The following KDELR3 variants were observed in gnomAD, a reference collection of about 807,000 sequenced individuals.
KDELR3 encodes ER lumen protein-retaining receptor 3.
In KDELR3, 26 loss-of-function variants were observed where a neutral mutation model predicts 22.7. The ratio of observed to expected loss-of-function variants is 1.15; its 90% confidence interval spans 0.84 to 1.59. The LOEUF is 1.59. Ranked by LOEUF, KDELR3 falls within the 40% of genes most tolerant of loss-of-function variation. The probability of loss-of-function intolerance (pLI) is 0.00; values close to 1 mark genes in which losing one functional copy is unlikely to be tolerated. For missense variants in KDELR3, 289 were observed against 251.1 expected, an observed-to-expected ratio of 1.15 and a Z score of -1.02; for synonymous variants, 120 against 98.2, an observed-to-expected ratio of 1.22 and a Z score of -1.31.
intron 1 of KDELR3, among the ~76,000 whole-genome samples, chr22:38,469,452 G>A (rs2089510172): frequency 6.6e-6 from 1 of 152,358 alleles, no homozygotes; most frequent in South Asian, 2.1e-4. Context: ...AGAGCAGGGG[G>A]AGGCCTGGCA....
At chr22:38,471,546 G>A (rs2089525130) in intron 1 of KDELR3, among the ~76,000 whole-genome samples, 1 of 152,210 alleles carries the variant, frequency 6.6e-6, no homozygotes, top group Non-Finnish European at 1.5e-5. Context: ...CCTCAGCTCA[G>A]TCCTGCCACT....
rs569019394 is a variant in KDELR3, at chr22:38,475,617, A to G, written c.192+994A>G. 2.6e-5 allele frequency among the ~76,000 whole-genome samples: 4 copies of G among 152,298 alleles called. No individual in the cohort carries two copies. In the South Asian group the frequency reaches 8.3e-4, roughly 32 times the overall value. On this transcript the variant is annotated intron_variant, in intron 2 of 4. Transcript: ENST00000216014. ...GAACCAGCCATGTAAAGATCAAAGG[A>G]CACACCTTCTTTCTGTTTTTTTAAG...
At chr22:38,472,216 G>A (rs138422) in intron 1 of KDELR3, among the ~76,000 whole-genome samples, 142,884 of 152,212 alleles carry the variant, frequency 0.94, 67,328 homozygotes, top group Non-Finnish European at 0.98. Flanking sequence ...AGTGGCTTAC[G>A]CCTGTAATCC....
chr22:38,474,540 C>G lies in KDELR3; in HGVS notation c.109C>G (p.Gln37Glu), dbSNP rs1418474262. The change falls in exon 2 of 5, where the codon CAG becomes GAG. Residue 37 changes from glutamine to glutamate, a missense_variant. Transcript: ENST00000216014. Reference sequence around the variant, plus strand: ...GGCCACAGGCATCTCTGGGAAGAGCCAGATCCTGTTTGCTCTCGTCTTCAC... The same window carrying G: ...GGCCACAGGCATCTCTGGGAAGAGCGAGATCCTGTTTGCTCTCGTCTTCAC... ...KCCKGISGKS[Q>E]ILFALVFTTR... The G allele has an allele frequency of 6.2e-7, 1 of 1,613,928 alleles. No homozygotes were observed. Among genetic ancestry groups the G allele is most frequent in the Non-Finnish European group, 8.5e-7 (1 of 1,179,936 alleles).
At chr22:38,474,810 G>C (rs2089547381) in intron 2 of KDELR3, among the ~76,000 whole-genome samples, 187 bp downstream of exon 2, 1 of 152,016 alleles carries the variant, frequency 6.6e-6, no homozygotes, top group Non-Finnish European at 1.5e-5. Flanking sequence ...CAAAAATGAG[G>C]ACAGGGCTGG....
At chr22:38,476,256 G>T (rs2089556949) in intron 2 of KDELR3, among the ~76,000 whole-genome samples, 1 of 151,202 alleles carries the variant, frequency 6.6e-6, no homozygotes, top group South Asian at 2.1e-4. Flanking sequence ...GTCTCGCTCT[G>T]TCGCCCAGGC....
At position 38,483,355 on chromosome 22, in the gene KDELR3, C is replaced by G. The variant is rs2089620096; in HGVS notation, c.*819C>G. 2 of 152,254 alleles carry G rather than the reference C, an allele frequency of 1.3e-5. No homozygotes were observed. Among genetic ancestry groups the G allele is most frequent in the South Asian group, 4.2e-4 (2 of 4,818 alleles). The allele number at this position is 152,254 out of a possible 1,614,324, so 9.4% of individuals were successfully genotyped here. ...GAAAGTAATCAGTCAATCCAATATC[C>G]CCCATCTTTGTCTTGAAACAAAAAC... On this transcript the variant is annotated 3_prime_UTR_variant, in exon 5 of 5. Transcript: ENST00000216014.
chr22:38,473,937 G>T (rs557210367), intron 1 of KDELR3, among the ~76,000 whole-genome samples: 2 of 152,166 alleles, frequency 1.3e-5, no homozygotes, highest in Admixed American at 6.6e-5. Flanking sequence ...TCACGCCACT[G>T]CACTCCAGCC....
rs1172543414 is a variant in KDELR3 at position 38,479,443 on chromosome 22, T to C, written c.193-150T>C. 15 of 689,910 alleles carry C rather than the reference T, an allele frequency of 2.2e-5. No homozygotes were observed. In the East Asian group the frequency reaches 3.6e-4, roughly 17 times the overall value. The allele number at this position is 689,910 out of a possible 1,614,324, so 42.7% of individuals were successfully genotyped here. The stretch of plus-strand genomic sequence containing the variant: ...TCACTGATTTCAAATTCTAGGCAAC[T>C]GGACCCAAGATAAATTGCAAACACA... On this transcript the variant is annotated intron_variant, in intron 2 of 4. Transcript: ENST00000216014.
chr22:38,474,386 C>T, intron 1 of KDELR3, 137 bp from the exon 2 acceptor site: 1 of 632,176 alleles, frequency 1.6e-6, no homozygotes, highest in African/African-American at 1.8e-5. Context: ...TAGGGAGCGA[C>T]AGTGCCCTGG....
At chr22:38,468,357 C>T in intron 1 of KDELR3, 33 bp downstream of exon 1, 10 of 1,595,512 alleles carry the variant, frequency 6.3e-6, no homozygotes, top group Non-Finnish European at 7.7e-6. Flanking sequence ...GTGCGGGACC[C>T]CCTCTCTGGC....
Position 38,483,335 on chromosome 22 carries a change from TA to T in KDELR3, c.*801del, listed in dbSNP as rs1485338318. On this transcript the variant is annotated 3_prime_UTR_variant, in exon 5 of 5. Coordinates refer to ENST00000216014, the MANE Select transcript of KDELR3 (RefSeq NM_006855.4). ...TTCCTTTCAGTTTTAGGTGCGAAAG[TA>T]ATCAGTCAATCCAATATCCCCCATC... 3 of 152,222 alleles carry T rather than the reference TA, an allele frequency of 2.0e-5. No homozygotes were observed. The highest frequency in any genetic ancestry group is 2.9e-5 in the Non-Finnish European group (2 of 68,042). The allele number at this position is 152,222 out of a possible 1,614,324, so 9.4% of individuals were successfully genotyped here.
chr22:38,476,298 C>A (rs2089557270), intron 2 of KDELR3, among the ~76,000 whole-genome samples: 1 of 151,976 alleles, frequency 6.6e-6, no homozygotes, highest in African/African-American at 2.4e-5. Flanking sequence ...CGGCTCACTG[C>A]AAGCTCCGCC....
At chr22:38,481,702 G>C (rs2089603154) in intron 4 of KDELR3, 1 of 1,312,218 alleles carries the variant, frequency 7.6e-7, no homozygotes, top group African/African-American at 1.5e-5. Context: ...CAGAATACTT[G>C]GTTAGTAGTG....
rs1342398554 is a variant in KDELR3, at chr22:38,483,302, T to TC, written c.*766_*767insC. 3 of 152,184 alleles carry TC rather than the reference T, an allele frequency of 2.0e-5. No individual in the cohort carries two copies. Among genetic ancestry groups the TC allele is most frequent in the African/African-American group, 4.8e-5 (2 of 41,434 alleles). 9.4% of individuals were successfully genotyped at this position (152,184 alleles called of 1,614,324 possible). On this transcript the variant is annotated 3_prime_UTR_variant, in exon 5 of 5. Coordinates refer to ENST00000216014, the MANE Select transcript of KDELR3 (RefSeq NM_006855.4). Reference sequence around the variant, plus strand: ...GGGTTTTCAATTCCAATTCTTGTATTAAGTTTTTTCCTTTCAGTTTTAGGT... The same window carrying TC: ...GGGTTTTCAATTCCAATTCTTGTATTCAAGTTTTTTCCTTTCAGTTTTAGGT...
At chr22:38,470,862 G>A (rs2089520467) in intron 1 of KDELR3, among the ~76,000 whole-genome samples, 1 of 152,224 alleles carries the variant, frequency 6.6e-6, no homozygotes, top group East Asian at 1.9e-4. Flanking sequence ...ATCACCGGGG[G>A]GCTGGGCACA....
rs1408332327 is a variant in KDELR3, at chr22:38,468,190, C to G, written c.-44C>G. ...GCCGCCCTGCCCGCCAGAAAGTTTC[C>G]TAGAAGTTTGCTGGGCGCGGGCGCA... On this transcript the variant is annotated 5_prime_UTR_variant, in exon 1 of 5. Transcript: ENST00000216014. 6.3e-7 allele frequency: 1 copy of G among 1,586,452 alleles called. No individual in the cohort carries two copies. Among genetic ancestry groups the G allele is most frequent in the African/African-American group, 1.3e-5 (1 of 74,396 alleles).
chr22:38,481,067 A>G, intron 3 of KDELR3, 145 bp from the exon 4 acceptor site: 2 of 749,656 alleles, frequency 2.7e-6, no homozygotes, highest in Non-Finnish European at 4.4e-6. Context: ...GGTTAAACTG[A>G]TTAAAATATT....
chr22:38,482,435 A>T, intron 4 of KDELR3, 61 bp from the exon 5 acceptor site: 1 of 1,342,408 alleles, frequency 7.4e-7, no homozygotes, highest in Non-Finnish European at 1.1e-6. Flanking sequence ...TTATGCATCA[A>T]GTTATAAAGC....
Sources: allele counts gnomAD v4.1 joint callset (sites outside exome capture counted in the v4.1 genomes callset), GRCh38; gene constraint gnomAD v4.1.1; transcripts MANE v1.5; gene names NCBI Gene and HGNC (gene_info 2026-07-23, HGNC 2026-07-21).